Variants in VAV2 observed in about 807,000 individuals in gnomAD.
The protein encoded by VAV2 is vav guanine nucleotide exchange factor 2.
A neutral mutation model predicts 132.5 loss-of-function variants in VAV2; 67 were observed. The ratio of observed to expected loss-of-function variants is 0.51; its 90% CI spans 0.42 to 0.62. The LOEUF is 0.62. Ranked by LOEUF, VAV2 falls within the 20% of genes least tolerant of loss-of-function variation. The pLI is 0.00. For synonymous variants in VAV2, 492 were observed against 443.5 expected (o/e 1.11, Z -1.37); for missense variants, 938 against 1,153.6 (o/e 0.81, Z 2.71).
intron 1 of VAV2, among the ~76,000 whole-genome samples, chr9:133,954,692 C>T (rs76996122): frequency 0.024 from 3,673 of 152,278 alleles, 153 homozygotes; most frequent in African/African-American, 0.082. Flanking sequence ...CATGTGTATG[C>T]GTGTGGGGTG....
intron 3 of VAV2, among the ~76,000 whole-genome samples, chr9:133,839,138 G>A (rs1310023302): frequency 6.6e-6 from 1 of 151,510 alleles, no homozygotes; most frequent in Non-Finnish European, 1.5e-5. Context: ...GTAAATGGCT[G>A]GGTTGGTGGG....
chr9:133,846,353 C>T (rs1319936630), intron 3 of VAV2, among the ~76,000 whole-genome samples: 1 of 152,228 alleles, frequency 6.6e-6, no homozygotes, highest in East Asian at 1.9e-4. Context: ...TCACCCTCTT[C>T]CTGCTATCCC....
Position 133,791,326 on chromosome 9 carries a change from G to A in VAV2, c.1188+457C>T, listed in dbSNP as rs569180002. Among the ~76,000 whole-genome samples the A allele has an allele frequency of 5.3e-5, 8 of 152,286 alleles. No homozygotes were observed. In the East Asian group the frequency reaches 1.2e-3, roughly 22 times the overall value. ...GGTCCGAGGAGCAGAGGCGACTGCC[G>A]GCCCCACCGAGCCTGGGCCCAAACC... is the stretch of plus-strand genomic sequence containing the variant. On this transcript the variant is annotated intron_variant, in intron 13 of 29. Coordinates refer to ENST00000371850, the MANE Select transcript of VAV2 (RefSeq NM_001134398.2).
intron 2 of VAV2, among the ~76,000 whole-genome samples, chr9:133,910,887 A>G (rs1839862121): frequency 6.6e-6 from 1 of 151,856 alleles, no homozygotes. Flanking sequence ...AGTTGTCTGC[A>G]CTGGTACAGA....
In VAV2 at chr9:133,969,610, G is replaced by T. The variant is rs886604581; in HGVS notation, c.204+22465C>A. On this transcript the variant is annotated intron_variant, in intron 1 of 29. Coordinates refer to ENST00000371850, the MANE Select transcript of VAV2 (RefSeq NM_001134398.2). This position sits in a 1 kb window ranked among gnomAD's most constrained non-coding sequence, Gnocchi z 5.1. ...ATCCCTGCAACCTTGGCCAGTGGGG[G>T]ACTTGAACCCCTAGGGCCAACTCCA... Among the ~76,000 whole-genome samples the T allele has an allele frequency of 2.6e-5, 4 of 152,210 alleles. No homozygotes were observed. Among genetic ancestry groups the T allele is most frequent in the Middle Eastern group, 3.4e-3 (1 of 294 alleles).
At chr9:133,901,492 G>C (rs1257128016) in intron 2 of VAV2, among the ~76,000 whole-genome samples, 1 of 152,238 alleles carries the variant, frequency 6.6e-6, no homozygotes, top group Non-Finnish European at 1.5e-5. Flanking sequence ...GGAGAGCCAT[G>C]GCACCACCTC....
chr9:133,929,537 A>G (rs1266999518), intron 2 of VAV2, among the ~76,000 whole-genome samples: 1 of 152,100 alleles, frequency 6.6e-6, no homozygotes, highest in Non-Finnish European at 1.5e-5. Flanking sequence ...CAAGGCTGAT[A>G]GACAAGGGTC....
chr9:133,776,838 C>T (rs1408588778), intron 23 of VAV2, among the ~76,000 whole-genome samples: 8 of 152,168 alleles, frequency 5.3e-5, no homozygotes, highest in Admixed American at 5.2e-4. Context: ...AGAGGTTCCA[C>T]GCTCTCACTC....
At chr9:133,808,259 G>A (rs1292518552) in intron 7 of VAV2, among the ~76,000 whole-genome samples, 10 of 152,230 alleles carry the variant, frequency 6.6e-5, no homozygotes, top group Admixed American at 6.5e-4. Flanking sequence ...AAGGCCGCTG[G>A]CCAAGGACCA....
chr9:133,817,419 G>A (rs1280019539), intron 4 of VAV2, among the ~76,000 whole-genome samples: 3 of 152,126 alleles, frequency 2.0e-5, no homozygotes, highest in Non-Finnish European at 2.9e-5. Context: ...TTGGGAGGCC[G>A]AGGTGGGTGG....
intron 1 of VAV2, among the ~76,000 whole-genome samples, chr9:133,985,226 T>TTGTGTGTGTG (rs59748267): frequency 7.3e-5 from 10 of 137,244 alleles, no homozygotes; most frequent in Non-Finnish European, 1.4e-4. Flanking sequence ...TCTTGCCTTA[T>TTGTGTGTGTG]TGTGTGTGTG....
At chr9:133,904,639 C>T (rs1028899431) in intron 2 of VAV2, among the ~76,000 whole-genome samples, 10 of 152,360 alleles carry the variant, frequency 6.6e-5, no homozygotes, top group Middle Eastern at 3.4e-3. Context: ...ACGACATGCC[C>T]GCTGCTCCCA....
At chr9:133,927,515 A>G (rs945594449) in intron 2 of VAV2, among the ~76,000 whole-genome samples, 6 of 152,272 alleles carry the variant, frequency 3.9e-5, no homozygotes, top group Admixed American at 3.3e-4. Flanking sequence ...TCCATGTGCT[A>G]GGTGGCCCGT....
intron 7 of VAV2, among the ~76,000 whole-genome samples, chr9:133,808,154 G>T (rs1489453537): frequency 6.6e-6 from 1 of 152,258 alleles, no homozygotes; most frequent in Non-Finnish European, 1.5e-5. Flanking sequence ...GGCAGAGGCT[G>T]ACCTCAGAGC....
intron 1 of VAV2, among the ~76,000 whole-genome samples, chr9:133,952,018 G>A (rs1564494116): frequency 6.6e-6 from 1 of 152,098 alleles, no homozygotes; most frequent in Non-Finnish European, 1.5e-5. Flanking sequence ...AGAGAGTAGA[G>A]AGAAGCAGTC....
At chr9:133,888,670 G>A (rs1026845083) in intron 2 of VAV2, among the ~76,000 whole-genome samples, 7 of 152,250 alleles carry the variant, frequency 4.6e-5, no homozygotes, top group Admixed American at 1.3e-4. Context: ...TAAGACCAAC[G>A]TCCCCCAAAC....
In VAV2 at chr9:133,834,299, A is replaced by ACGTCAT. The variant is rs1320831361; in HGVS notation, c.416_421dup (p.Asp139_Asp140dup). The ACGTCAT allele has an allele frequency of 8.7e-6, 14 of 1,612,236 alleles. No individual in the cohort carries two copies. In the East Asian group the frequency reaches 1.8e-4, roughly 21 times the overall value. On this transcript the variant is annotated inframe_insertion, in exon 4 of 30. Transcript: ENST00000371850. This position sits in a 1 kb window ranked among gnomAD's most constrained non-coding sequence, Gnocchi z 5.9. The stretch of plus-strand genomic sequence containing the variant: ...GGCCAGCTCCTCCAGGCTGCGGTAG[A>ACGTCAT]CGTCATCGTCATTCTCTGTGGTCTC...
At chr9:133,770,740 C>T (rs747763998) in intron 26 of VAV2, among the ~76,000 whole-genome samples, 33 of 152,188 alleles carry the variant, frequency 2.2e-4, no homozygotes, top group Admixed American at 3.9e-4. Context: ...CTGACCAGCA[C>T]GGACACTGAC....
chr9:133,856,995 G>T (rs1012960040), intron 3 of VAV2, among the ~76,000 whole-genome samples: 1 of 152,282 alleles, frequency 6.6e-6, no homozygotes, highest in African/African-American at 2.4e-5. Flanking sequence ...GAGCAACCCC[G>T]CGAGGCAGAG....
Sources: allele counts gnomAD v4.1 joint callset (sites outside exome capture counted in the v4.1 genomes callset), GRCh38; gene constraint gnomAD v4.1.1; non-coding constraint Gnocchi (gnomAD v3.1); transcripts MANE v1.5; gene names NCBI Gene and HGNC (gene_info 2026-07-23, HGNC 2026-07-21).